Variants in ABCA13 observed in about 807,000 individuals in gnomAD.
ABCA13 encodes the protein ATP binding cassette subfamily A member 13, also known as ATP-binding cassette sub-family A member 13.
Under a neutral mutation model 478.7 loss-of-function variants are expected in ABCA13, and 476 were observed. The observed-to-expected ratio is 0.99, with a 90% CI of 0.92 to 1.07. The LOEUF (loss-of-function observed/expected upper bound fraction) is 1.07. ABCA13 is among the 50% of genes least tolerant of loss of function. The probability of loss-of-function intolerance (pLI) is 0.00; values close to 1 mark genes in which losing one functional copy is unlikely to be tolerated. For missense variants in ABCA13, 6,060 were observed against 5,910.6 expected (o/e 1.03, Z -0.83); for synonymous variants, 2,252 against 2,158.9 (o/e 1.04, Z -1.20).
In ABCA13 at chr7:48,524,170, C is replaced by A. The variant is rs974509533; in HGVS notation, c.14052-78C>A. 4.4e-6 allele frequency: 6 copies of A among 1,367,814 alleles called. No homozygotes were observed. In the Admixed American group the frequency reaches 1.3e-4, roughly 30 times the overall value. 84.7% of individuals were successfully genotyped at this position (1,367,814 alleles called of 1,614,324 possible). A position where few individuals can be genotyped will look rare whatever the true frequency, so the allele number is the denominator to read the frequency against. On this transcript the variant is annotated intron_variant, in intron 53 of 61. Coordinates refer to ENST00000435803, the MANE Select transcript of ABCA13 (RefSeq NM_152701.5). Reference sequence around the variant, plus strand: ...GTGATATCTTCAATTTTTTACAAATCTCTGACCTTTTTGCCTCTTCTAGAC... The same window carrying A: ...GTGATATCTTCAATTTTTTACAAATATCTGACCTTTTTGCCTCTTCTAGAC...
At chr7:48,300,404 G>T in intron 23 of ABCA13, among the ~76,000 whole-genome samples, 1 of 152,246 alleles carries the variant, frequency 6.6e-6, no homozygotes, top group Non-Finnish European at 1.5e-5. Context: ...CCAATGTTCT[G>T]TGGGGGATGA....
At chr7:48,396,896 C>T (rs1205896625) in intron 38 of ABCA13, among the ~76,000 whole-genome samples, 1 of 152,140 alleles carries the variant, frequency 6.6e-6, no homozygotes, top group African/African-American at 2.4e-5. Context: ...CCAGTAAGGT[C>T]AGATTGCAAA....
intron 1 of ABCA13, among the ~76,000 whole-genome samples, chr7:48,190,292 A>G (rs1278069327): frequency 6.6e-6 from 1 of 152,174 alleles, no homozygotes; most frequent in African/African-American, 2.4e-5. Flanking sequence ...ATGAAGTTAA[A>G]AGCTGGGATT....
At chr7:48,446,754 C>T (rs1824362258) in intron 42 of ABCA13, among the ~76,000 whole-genome samples, 1 of 152,158 alleles carries the variant, frequency 6.6e-6, no homozygotes, top group Non-Finnish European at 1.5e-5. Context: ...TCTTCTTTAA[C>T]CAAATTTCCT....
At chr7:48,449,965 C>G (rs77163955) in intron 42 of ABCA13, among the ~76,000 whole-genome samples, 2,190 of 152,300 alleles carry the variant, frequency 0.014, 48 homozygotes, top group African/African-American at 0.05. Flanking sequence ...GAAACTTCCT[C>G]TAATCTGACA....
chr7:48,511,013 G>C, intron 50 of ABCA13, 71 bp from the exon 51 acceptor site: 1 of 1,252,310 alleles, frequency 8.0e-7, no homozygotes, highest in Non-Finnish European at 1.2e-6. Context: ...GGAAACTTCA[G>C]GATAAGTAGA....
In ABCA13 at chr7:48,315,483, C is replaced by CT. The variant is rs774939239; in HGVS notation, c.9859+1088dup. On this transcript the variant is annotated intron_variant, in intron 26 of 61. Coordinates refer to ENST00000435803, the MANE Select transcript of ABCA13 (RefSeq NM_152701.5). ...TAAAAATGTATTATGTAGTCATATT[C>CT]TTTTTTTTTTTTTTGAGACGGAGTC... Among the ~76,000 whole-genome samples the CT allele has an allele frequency of 2.0e-3, 282 of 143,498 alleles. 3 individuals are homozygous for CT. Among genetic ancestry groups the CT allele is most frequent in the Middle Eastern group, 3.6e-3 (1 of 278 alleles). The allele number at this position is 143,498 out of a possible 152,430, so 94.1% of individuals were successfully genotyped here.
intron 35 of ABCA13, among the ~76,000 whole-genome samples, chr7:48,387,315 C>G (rs1351353750): frequency 1.3e-5 from 2 of 152,002 alleles, no homozygotes; most frequent in African/African-American, 4.8e-5. Flanking sequence ...TTGGAGAATA[C>G]TTTTGAAGAA....
intron 27 of ABCA13, among the ~76,000 whole-genome samples, chr7:48,321,861 A>G (rs1336482211): frequency 6.6e-6 from 1 of 152,168 alleles, no homozygotes; most frequent in Non-Finnish European, 1.5e-5. Flanking sequence ...TGGCAGCACC[A>G]CAGACAGGCA....
intron 23 of ABCA13, among the ~76,000 whole-genome samples, chr7:48,302,666 G>A (rs1303385508): frequency 3.3e-5 from 5 of 152,138 alleles, no homozygotes; most frequent in Non-Finnish European, 7.4e-5. Flanking sequence ...TCCCTCCAAA[G>A]GACATGACCT....
At chr7:48,225,102 T>G (rs1474928905) in intron 5 of ABCA13, among the ~76,000 whole-genome samples, 1 of 134,126 alleles carries the variant, frequency 7.5e-6, no homozygotes, top group Non-Finnish European at 1.6e-5. Context: ...TTAATCACCA[T>G]GCGTGCGTGC....
chr7:48,533,971 T>C (rs1423377157), intron 55 of ABCA13, among the ~76,000 whole-genome samples: 1 of 152,128 alleles, frequency 6.6e-6, no homozygotes, highest in Non-Finnish European at 1.5e-5. Context: ...ATCTTTTAAG[T>C]GGAGCATTTA....
intron 42 of ABCA13, among the ~76,000 whole-genome samples, chr7:48,440,034 C>T (rs1823371161): frequency 6.6e-6 from 1 of 152,126 alleles, no homozygotes; most frequent in Non-Finnish European, 1.5e-5. Context: ...TAGCCATTTG[C>T]ATTTTCTCTT....
intron 48 of ABCA13, among the ~76,000 whole-genome samples, chr7:48,506,101 A>G (rs1831181948): frequency 6.6e-6 from 1 of 152,240 alleles, no homozygotes; most frequent in Non-Finnish European, 1.5e-5. Flanking sequence ...CATGTAAAGC[A>G]TGAACAATTC....
At chr7:48,477,620 C>T (rs920675652) in intron 45 of ABCA13, among the ~76,000 whole-genome samples, 1 of 151,664 alleles carries the variant, frequency 6.6e-6, no homozygotes, top group Non-Finnish European at 1.5e-5. Flanking sequence ...AATCATCATT[C>T]TCAGCAAACT....
intron 1 of ABCA13, among the ~76,000 whole-genome samples, chr7:48,186,466 T>C (rs1238540459): frequency 6.6e-6 from 1 of 152,134 alleles, no homozygotes; most frequent in Admixed American, 6.5e-5. Context: ...AGATATTCTC[T>C]TTTACTTAGT....
intron 48 of ABCA13, among the ~76,000 whole-genome samples, chr7:48,498,415 T>A (rs1362289095): frequency 6.6e-6 from 1 of 152,200 alleles, no homozygotes; most frequent in Non-Finnish European, 1.5e-5. Context: ...CCAGAATATT[T>A]ACTGTTGTAT....
Position 48,331,497 on chromosome 7 carries a change from T to A in ABCA13, c.10000-3925T>A, listed in dbSNP as rs114016717. The stretch of plus-strand genomic sequence containing the variant: ...TGCTGTTTTTATTTATTTTTCTTGA[T>A]GCTCAAATGATCCCAACTGTGGTCA... On this transcript the variant is annotated intron_variant, in intron 27 of 61. Coordinates refer to ENST00000435803, the MANE Select transcript of ABCA13 (RefSeq NM_152701.5). Among the ~76,000 whole-genome samples the A allele has an allele frequency of 6.7e-3, 1,026 of 152,360 alleles. 9 individuals are homozygous for A. The highest frequency in any genetic ancestry group is 0.024 in the African/African-American group (985 of 41,572).
intron 3 of ABCA13, among the ~76,000 whole-genome samples, chr7:48,215,918 TCA>T (rs1438722122): frequency 2.0e-5 from 3 of 152,160 alleles, no homozygotes; most frequent in African/African-American, 7.2e-5. Flanking sequence ...TAAGGTTCAT[TCA>T]TGTTGTAGCA....
Sources: allele counts gnomAD v4.1 joint callset (sites outside exome capture counted in the v4.1 genomes callset), GRCh38; gene constraint gnomAD v4.1.1; transcripts MANE v1.5; gene names NCBI Gene and HGNC (gene_info 2026-07-23, HGNC 2026-07-21).